Variants in RASA1 observed in about 807,000 individuals in gnomAD.
RASA1 encodes RAS p21 protein activator 1, also known as ras GTPase-activating protein 1.
RASA1 carries 25 observed loss-of-function variants against 132.2 expected under a neutral mutation model. The observed-to-expected ratio is 0.19, with a 90% CI of 0.14 to 0.26. The LOEUF (loss-of-function observed/expected upper bound fraction) is 0.26, where lower values mean the gene tolerates loss of function less well. RASA1 is among the 10% of genes least tolerant of loss of function. The probability of loss-of-function intolerance (pLI) is 1.00; values close to 1 mark genes in which losing one functional copy is unlikely to be tolerated. For synonymous variants in RASA1, 477 were observed against 449.9 expected (o/e 1.06, Z -0.76); for missense variants, 964 against 1,299.2 (o/e 0.74, Z 3.97).
At chr5:87,296,510 G>A (rs1464254385) in intron 1 of RASA1, among the ~76,000 whole-genome samples, 1 of 152,100 alleles carries the variant, frequency 6.6e-6, no homozygotes, top group Non-Finnish European at 1.5e-5. Context: ...GGCAACACAA[G>A]TCTTCAATTT....
At chr5:87,378,669 T>G (rs1761490841) in intron 18 of RASA1, 131 bp downstream of exon 18, 2 of 926,140 alleles carry the variant, frequency 2.2e-6, no homozygotes, top group East Asian at 2.7e-5. Context: ...GTTACACCTG[T>G]CTGTAATACA....
chr5:87,360,131 T>TTG (rs990969366), intron 9 of RASA1, among the ~76,000 whole-genome samples: 5 of 151,828 alleles, frequency 3.3e-5, no homozygotes, highest in African/African-American at 1.2e-4. Flanking sequence ...GCAGTTTTTT[T>TTG]TTTTTTTTTT....
chr5:87,375,404 G>C (rs1446045709), intron 15 of RASA1, among the ~76,000 whole-genome samples: 1 of 151,990 alleles, frequency 6.6e-6, no homozygotes, highest in African/African-American at 2.4e-5. Flanking sequence ...GGGACTACAG[G>C]CGCCCGCCAC....
chr5:87,372,307 G>A (rs1040184381), intron 13 of RASA1, 112 bp downstream of exon 13: 1 of 912,644 alleles, frequency 1.1e-6, no homozygotes. Flanking sequence ...GTTAAGCCAT[G>A]CTGCCACTTG....
At chr5:87,284,134 C>A (rs559040596) in intron 1 of RASA1, among the ~76,000 whole-genome samples, 2 of 152,208 alleles carry the variant, frequency 1.3e-5, no homozygotes, top group South Asian at 2.1e-4. Context: ...ATCAGTGTTA[C>A]AATGAAATGA....
intron 1 of RASA1, among the ~76,000 whole-genome samples, chr5:87,286,965 TACACCATATATATACCATATATAC>T (rs1754604559): frequency 3.4e-5 from 5 of 147,990 alleles, no homozygotes; most frequent in African/African-American, 1.2e-4. Context: ...ATACCATATA[TACACCATATATATACCATATATAC>T]ACACCATATA....
chr5:87,279,384 A>C (rs1754212357), intron 1 of RASA1, among the ~76,000 whole-genome samples: 1 of 150,614 alleles, frequency 6.6e-6, no homozygotes, highest in Non-Finnish European at 1.5e-5. Context: ...GATGTGCCAC[A>C]GTTTGTTTAA....
intron 1 of RASA1, among the ~76,000 whole-genome samples, chr5:87,302,758 G>C (rs935915236): frequency 4.7e-5 from 7 of 148,580 alleles, no homozygotes; most frequent in Non-Finnish European, 1.0e-4. Flanking sequence ...TGCCTAATAC[G>C]CACACCACCT....
chr5:87,380,767 T>G lies in RASA1; in HGVS notation c.2690+172T>G, dbSNP rs542689211. Among the ~76,000 whole-genome samples, 44 of 152,340 alleles carry G rather than the reference T, an allele frequency of 2.9e-4. 1 individual carries two copies. The South Asian group carries it at 9.1e-3, about 32-fold the overall frequency. On this transcript the variant is annotated intron_variant, in intron 20 of 24. Transcript: ENST00000274376. ...CCTAAACTGAAAGTTACTGTGAGATTTAGCTGCCGTTTGCATTTTCTAAAA... is the reference window on the plus strand; with the variant it reads ...CCTAAACTGAAAGTTACTGTGAGATGTAGCTGCCGTTTGCATTTTCTAAAA...
At chr5:87,388,121 T>C (rs573357324) in intron 23 of RASA1, among the ~76,000 whole-genome samples, 12 of 152,328 alleles carry the variant, frequency 7.9e-5, no homozygotes, top group East Asian at 1.9e-4. Flanking sequence ...ATCTGTGATA[T>C]ATAATTCTGT....
At chr5:87,292,854 G>A (rs538735999) in intron 1 of RASA1, among the ~76,000 whole-genome samples, 32 of 152,180 alleles carry the variant, frequency 2.1e-4, no homozygotes, top group African/African-American at 7.7e-4. Flanking sequence ...TATAGATCCT[G>A]TACATATTTT....
intron 6 of RASA1, among the ~76,000 whole-genome samples, chr5:87,342,983 A>G (rs1479541154): frequency 6.6e-6 from 1 of 152,168 alleles, no homozygotes; most frequent in Non-Finnish European, 1.5e-5. Context: ...TAGCATTGTC[A>G]TTCTTCCATT....
intron 5 of RASA1, among the ~76,000 whole-genome samples, chr5:87,340,846 C>T (rs1164536044): frequency 3.3e-5 from 5 of 151,972 alleles, no homozygotes; most frequent in African/African-American, 1.2e-4. Flanking sequence ...TTATGTGTGA[C>T]CATGGTATAG....
intron 9 of RASA1, among the ~76,000 whole-genome samples, chr5:87,361,931 T>C (rs1031556383): frequency 3.9e-5 from 6 of 152,088 alleles, no homozygotes; most frequent in African/African-American, 1.4e-4. Context: ...GAAATGGCCA[T>C]TGGTAGAGTT....
chr5:87,335,584 C>T (rs2112379131), intron 4 of RASA1, among the ~76,000 whole-genome samples: 1 of 151,836 alleles, frequency 6.6e-6, no homozygotes, highest in East Asian at 2.0e-4. Flanking sequence ...TGCCACCACA[C>T]CTGGCTAATT....
chr5:87,328,568 G>T (rs1420724443), intron 1 of RASA1, among the ~76,000 whole-genome samples: 1 of 152,038 alleles, frequency 6.6e-6, no homozygotes, highest in Non-Finnish European at 1.5e-5. Context: ...TTATATCTTT[G>T]TTATTGAGAG....
intron 9 of RASA1, among the ~76,000 whole-genome samples, chr5:87,358,218 C>G: frequency 6.6e-6 from 1 of 152,210 alleles, no homozygotes; most frequent in East Asian, 1.9e-4. Context: ...GAACTGTTAA[C>G]ACTTTTTGAG....
chr5:87,300,966 G>T (rs2112284434), intron 1 of RASA1, among the ~76,000 whole-genome samples: 1 of 152,288 alleles, frequency 6.6e-6, no homozygotes, highest in Non-Finnish European at 1.5e-5. Flanking sequence ...TTAGGTCCTG[G>T]CTGTGAGTCA....
At chr5:87,329,034 G>A (rs1163351428) in intron 1 of RASA1, among the ~76,000 whole-genome samples, 5 of 152,108 alleles carry the variant, frequency 3.3e-5, no homozygotes, top group Admixed American at 2.6e-4. Flanking sequence ...TGAAGCTTAC[G>A]ACCTTTTGAC....
Sources: gnomAD v4.1 joint callset for allele counts (sites outside exome capture counted in the v4.1 genomes callset) on GRCh38, gnomAD v4.1.1 for gene constraint, MANE v1.5 for transcripts, NCBI Gene and HGNC (gene_info 2026-07-23, HGNC 2026-07-21) for gene names.